CA6: variants seen among roughly 807,000 people sequenced by gnomAD.
CA6 encodes carbonate dehydratase VI.
A neutral mutation model predicts 35.9 loss-of-function variants in CA6; 28 were observed. The ratio of observed to expected loss-of-function variants is 0.78; its 90% CI spans 0.58 to 1.07. The LOEUF (loss-of-function observed/expected upper bound fraction) is 1.07. Ranked by LOEUF, CA6 falls within the 50% of genes least tolerant of loss-of-function variation. The pLI, the probability that CA6 is intolerant of heterozygous loss-of-function variation, is 0.00. For missense variants in CA6, 377 were observed against 382.0 expected (o/e 0.99, Z 0.11); for synonymous variants, 148 against 152.6 (o/e 0.97, Z 0.22).
intron 5 of CA6, among the ~76,000 whole-genome samples, chr1:8,962,916 A>C (rs910052770): frequency 1.3e-5 from 2 of 152,160 alleles, no homozygotes; most frequent in African/African-American, 4.8e-5. Context: ...CTGGAGTTGC[A>C]CTAAGTAGGC....
At chr1:8,971,058 T>C in intron 7 of CA6, 77 bp downstream of exon 7, 1 of 963,446 alleles carries the variant, frequency 1.0e-6, no homozygotes, top group South Asian at 1.3e-5. Context: ...GACCCATCTC[T>C]TCTGGTGATA....
At chr1:8,951,250 A>G (rs969439403) in intron 2 of CA6, among the ~76,000 whole-genome samples, 1 of 151,796 alleles carries the variant, frequency 6.6e-6, no homozygotes, top group Non-Finnish European at 1.5e-5. Context: ...AAGAAAACCA[A>G]TTGTCCTTTA....
rs535604382 is a variant in CA6, at chr1:8,972,648, A to G, written c.844+1667A>G. ...CAGTGAGCCGAGATTGCGCCACTGCACTCCAGCCTGGGCGACAGAGAGAGA... is the reference window on the plus strand; with the variant it reads ...CAGTGAGCCGAGATTGCGCCACTGCGCTCCAGCCTGGGCGACAGAGAGAGA... On this transcript the variant is annotated intron_variant, in intron 7 of 7. Coordinates refer to ENST00000377443, the MANE Select transcript of CA6 (RefSeq NM_001215.4). 2.0e-5 allele frequency among the ~76,000 whole-genome samples: 3 copies of G among 152,118 alleles called. No homozygotes were observed. The South Asian group carries it at 6.2e-4, about 32-fold the overall frequency.
At chr1:8,973,812 TC>T (rs1640194645) in intron 7 of CA6, among the ~76,000 whole-genome samples, 1 of 147,844 alleles carries the variant, frequency 6.8e-6, no homozygotes, top group African/African-American at 2.5e-5. Context: ...TCTCTCTCTC[TC>T]TCTCTCTTTC....
chr1:8,974,117 G>A (rs1405934980), intron 7 of CA6, among the ~76,000 whole-genome samples: 5 of 152,064 alleles, frequency 3.3e-5, no homozygotes, highest in East Asian at 1.9e-4. Flanking sequence ...GAGCCATCGC[G>A]CCTGGCCAGG....
At chr1:8,951,413 A>G in intron 2 of CA6, 1 of 760,110 alleles carries the variant, frequency 1.3e-6, no homozygotes, top group Non-Finnish European at 2.4e-6. Flanking sequence ...TTACTCTCTG[A>G]TGCTTCCAGA....
chr1:8,956,670 A>G (rs887163434), intron 2 of CA6, among the ~76,000 whole-genome samples: 2 of 152,194 alleles, frequency 1.3e-5, no homozygotes, highest in Non-Finnish European at 2.9e-5. Context: ...GAGCATGAAA[A>G]AAAACAAAGA....
At chr1:8,947,965 C>T (rs1428615768) in intron 1 of CA6, among the ~76,000 whole-genome samples, 1 of 151,928 alleles carries the variant, frequency 6.6e-6, no homozygotes, top group East Asian at 1.9e-4. Flanking sequence ...CTGCCTTAGC[C>T]TCTCAAGTAG....
rs4908799 is a variant in CA6, at chr1:8,970,994, G to C, written c.844+13G>C. On this transcript the variant is annotated intron_variant, in intron 7 of 7. Transcript: ENST00000377443. Reference sequence around the variant, plus strand: ...TTCCCGAATCAGGGTGAGTGAGACCGACTCTTGATCATGCTCTGCAGTTTA... The same window carrying C: ...TTCCCGAATCAGGGTGAGTGAGACCCACTCTTGATCATGCTCTGCAGTTTA... The C allele has an allele frequency of 3.9e-6, 6 of 1,523,588 alleles. No homozygotes were observed. The highest frequency in any genetic ancestry group is 1.7e-4 in the Middle Eastern group (1 of 5,908). The allele number at this position is 1,523,588 out of a possible 1,614,324, so 94.4% of individuals were successfully genotyped here. A position where few individuals can be genotyped will look rare whatever the true frequency, so the allele number is the denominator to read the frequency against.
chr1:8,947,026 A>T (rs1423220271), intron 1 of CA6, among the ~76,000 whole-genome samples: 1 of 151,536 alleles, frequency 6.6e-6, no homozygotes, highest in Non-Finnish European at 1.5e-5. Context: ...CTGTTCTCAA[A>T]CTTCTGACCT....
chr1:8,958,639 G>A (rs995210313), intron 3 of CA6, among the ~76,000 whole-genome samples: 1 of 152,218 alleles, frequency 6.6e-6, no homozygotes, highest in African/African-American at 2.4e-5. Flanking sequence ...CTGCCAGCTT[G>A]TCTGCCTGGA....
chr1:8,973,157 T>C (rs1181228558), intron 7 of CA6, among the ~76,000 whole-genome samples: 1 of 152,080 alleles, frequency 6.6e-6, no homozygotes, highest in Non-Finnish European at 1.5e-5. Flanking sequence ...GTAGCTGGGA[T>C]TACAGGCACG....
In CA6 at chr1:8,974,685, T is replaced by C; in HGVS notation, c.908T>C (p.Leu303Ser). ...LHKIEEILDY[L>S]RRALN ...AAGATTGAGGAAATTCTTGACTACT[T>C]AAGAAGAGCATTGAACTGAGGAAAG... Residue 303 changes from leucine to serine, a missense_variant, in exon 8 of 8, where the codon TTA becomes TCA. By Grantham distance (145) the Leu-to-Ser change is moderately radical. Transcript: ENST00000377443. The C allele has an allele frequency of 6.2e-7, 1 of 1,601,800 alleles. No homozygotes were observed. Among genetic ancestry groups the C allele is most frequent in the Non-Finnish European group, 8.5e-7 (1 of 1,172,068 alleles).
intron 3 of CA6, among the ~76,000 whole-genome samples, chr1:8,957,729 G>C: frequency 6.7e-6 from 1 of 148,488 alleles, no homozygotes; most frequent in Non-Finnish European, 1.5e-5. Flanking sequence ...CAGGGGAATT[G>C]CTTGAGCCCA....
At chr1:8,948,266 C>A (rs1286013091) in intron 1 of CA6, among the ~76,000 whole-genome samples, 1 of 152,072 alleles carries the variant, frequency 6.6e-6, no homozygotes, top group Non-Finnish European at 1.5e-5. Flanking sequence ...TGTATGGGAG[C>A]CAAGTCACCA....
chr1:8,947,718 A>G (rs1639404262), intron 1 of CA6, among the ~76,000 whole-genome samples: 1 of 152,118 alleles, frequency 6.6e-6, no homozygotes, highest in Admixed American at 6.5e-5. Context: ...AATGCCTTCC[A>G]GGGAAACCTG....
intron 2 of CA6, among the ~76,000 whole-genome samples, chr1:8,953,365 T>C (rs1368052906): frequency 6.6e-6 from 1 of 152,192 alleles, no homozygotes; most frequent in Non-Finnish European, 1.5e-5. Flanking sequence ...GGCTCATGCC[T>C]GTAACCCCAG....
At chr1:8,955,850 C>A (rs1056097480) in intron 2 of CA6, among the ~76,000 whole-genome samples, 2 of 152,192 alleles carry the variant, frequency 1.3e-5, no homozygotes, top group East Asian at 3.8e-4. Flanking sequence ...AGAGGGGGCA[C>A]GTGACAGGTT....
intron 5 of CA6, among the ~76,000 whole-genome samples, chr1:8,964,235 A>G (rs553769106): frequency 6.6e-5 from 10 of 151,088 alleles, no homozygotes; most frequent in East Asian, 2.0e-4. Context: ...TGCATCGTTG[A>G]TTTCTCTCTC....
Sources: gnomAD v4.1 joint callset for allele counts (sites outside exome capture counted in the v4.1 genomes callset) on GRCh38, gnomAD v4.1.1 for gene constraint, MANE v1.5 for transcripts, NCBI Gene and HGNC (gene_info 2026-07-23, HGNC 2026-07-21) for gene names.